PIKFYVE: variants seen among roughly 807,000 people sequenced by gnomAD.
PIKFYVE encodes the protein phosphoinositide kinase, FYVE-type zinc finger containing.
PIKFYVE carries 122 observed loss-of-function variants against 257.9 expected under a neutral mutation model. The observed-to-expected ratio is 0.47, with a 90% CI of 0.41 to 0.55. PIKFYVE has a LOEUF of 0.55. Ranked by LOEUF, PIKFYVE falls within the 20% of genes least tolerant of loss-of-function variation. PIKFYVE has a pLI of 0.00. For missense variants in PIKFYVE, 2,160 were observed against 2,536.6 expected (o/e 0.85, Z 3.19); for synonymous variants, 892 against 868.9 (o/e 1.03, Z -0.47).
chr2:208,312,198 CT>C (rs777079480), intron 12 of PIKFYVE, 37 bp from the exon 13 acceptor site: 10 of 1,461,698 alleles, frequency 6.8e-6, no homozygotes, highest in African/African-American at 1.4e-5. Context: ...TATGTCTCTA[CT>C]TTTGTTCCTC....
rs1164512549 is a variant in PIKFYVE, at chr2:208,336,105, C to T, written c.4425C>T (p.Ser1475=). The part of the protein sequence containing the change: ...IEKMQARLMS[S]SVDTPQQLQS... ...AGATGCAAGCAAGGCTCATGTCTTCCTCTGTAGATACCCCTCAGCAACTGC... is the reference window on the plus strand; with the variant it reads ...AGATGCAAGCAAGGCTCATGTCTTCTTCTGTAGATACCCCTCAGCAACTGC... Residue 1475 remains serine (S), a synonymous_variant, in exon 27 of 42, where the codon TCC becomes TCT. Coordinates refer to ENST00000264380, the MANE Select transcript of PIKFYVE (RefSeq NM_015040.4). 3 of 1,614,050 alleles carry T rather than the reference C, an allele frequency of 1.9e-6. No homozygotes were observed. The highest frequency in any genetic ancestry group is 2.2e-5 in the South Asian group (2 of 91,080).
intron 27 of PIKFYVE, 63 bp downstream of exon 27, chr2:208,336,263 T>G: frequency 6.3e-7 from 1 of 1,590,054 alleles, no homozygotes; most frequent in Non-Finnish European, 8.6e-7. Context: ...TGTGATATCT[T>G]AAAACTTAAA....
At chr2:208,280,775 C>T (rs1307896874) in intron 5 of PIKFYVE, among the ~76,000 whole-genome samples, 1 of 152,150 alleles carries the variant, frequency 6.6e-6, no homozygotes, top group Non-Finnish European at 1.5e-5. Context: ...GGAGTTGTTT[C>T]CCTTATACAA....
chr2:208,312,134 A>G (rs1694997982), intron 12 of PIKFYVE, 102 bp from the exon 13 acceptor site: 1 of 880,426 alleles, frequency 1.1e-6, no homozygotes, highest in East Asian at 2.5e-5. Flanking sequence ...AGTATGAGTA[A>G]TATTTTGTGT....
Position 208,349,898 on chromosome 2 carries a change from CTT to C in PIKFYVE, c.5375-125_5375-124del, listed in dbSNP as rs1286173485. On this transcript the variant is annotated intron_variant, in intron 35 of 41. Coordinates refer to ENST00000264380, the MANE Select transcript of PIKFYVE (RefSeq NM_015040.4). ...ATATCTTATGCTTGCTTGATAGTGA[CTT>C]GAGTAGGATATTTTTACTTTTAATT... 1.1e-5 allele frequency: 15 copies of C among 1,381,040 alleles called. 1 individual carries two copies. Among genetic ancestry groups the C allele is most frequent in the Non-Finnish European group, 1.4e-5 (14 of 1,019,008 alleles). 85.5% of individuals were successfully genotyped at this position (1,381,040 alleles called of 1,614,324 possible).
intron 40 of PIKFYVE, 38 bp from the exon 41 acceptor site, chr2:208,354,533 A>G: frequency 2.0e-6 from 3 of 1,496,760 alleles, no homozygotes; most frequent in Non-Finnish European, 2.8e-6. Flanking sequence ...ATTTATTAAC[A>G]TAGCTTTATT....
At chr2:208,277,175 T>C (rs562995216) in intron 4 of PIKFYVE, among the ~76,000 whole-genome samples, 172 of 152,312 alleles carry the variant, frequency 1.1e-3, no homozygotes, top group African/African-American at 4.0e-3. Flanking sequence ...TATAGTACCA[T>C]TGTTTTTGAA....
At chr2:208,276,570 T>G in intron 3 of PIKFYVE, 142 bp from the exon 4 acceptor site, 13 of 736,576 alleles carry the variant, frequency 1.8e-5, no homozygotes, top group East Asian at 2.6e-5. Context: ...AAAGACTTGT[T>G]TTAACTCTCA....
chr2:208,294,318 T>C (rs1221379250), intron 7 of PIKFYVE, among the ~76,000 whole-genome samples: 1 of 152,244 alleles, frequency 6.6e-6, no homozygotes, highest in Non-Finnish European at 1.5e-5. Context: ...TTGCCTGTTG[T>C]TTACTTTTCG....
intron 12 of PIKFYVE, chr2:208,305,246 G>A: frequency 2.1e-6 from 3 of 1,397,154 alleles, no homozygotes. Context: ...TGTAAAGCTT[G>A]TAGTCTTTAA....
intron 10 of PIKFYVE, 53 bp downstream of exon 10, chr2:208,302,406 C>T: frequency 7.0e-7 from 1 of 1,431,786 alleles, no homozygotes; most frequent in Admixed American, 1.7e-5. Context: ...ATTTTATAGT[C>T]TTTCTTCATC....
chr2:208,320,802 C>T (rs937278624), intron 17 of PIKFYVE, among the ~76,000 whole-genome samples: 1 of 152,228 alleles, frequency 6.6e-6, no homozygotes, highest in Non-Finnish European at 1.5e-5. Context: ...CCCAGAATAG[C>T]TGCATTAGGT....
Position 208,350,094 on chromosome 2 carries a change from GATATT to G in PIKFYVE, c.5434+16_5434+20del, listed in dbSNP as rs1407541620. 2 of 1,612,254 alleles carry G rather than the reference GATATT, an allele frequency of 1.2e-6. No individual in the cohort carries two copies. Among genetic ancestry groups the G allele is most frequent in the Non-Finnish European group, 1.7e-6 (2 of 1,178,976 alleles). On this transcript the variant is annotated intron_variant, in intron 36 of 41. Coordinates refer to ENST00000264380, the MANE Select transcript of PIKFYVE (RefSeq NM_015040.4). ...CTCATGTGGAACTTCGTAAGTATGA[GATATT>G]ATATCATTGGTTTGGGGAGAGGGAC...
rs768956937 is a variant in PIKFYVE, at chr2:208,338,582, T to G, written c.4672+14T>G. 1.2e-6 allele frequency: 2 copies of G among 1,608,128 alleles called. No homozygotes were observed. Among genetic ancestry groups the G allele is most frequent in the Non-Finnish European group, 1.7e-6 (2 of 1,174,746 alleles). On this transcript the variant is annotated intron_variant, in intron 29 of 41. Transcript: ENST00000264380. Reference sequence around the variant, plus strand: ...ATGGAGAAAAAGGTTGGTTCTTGAGTCTGGTGATCACTTGCCGTAGGATTT... The same window carrying G: ...ATGGAGAAAAAGGTTGGTTCTTGAGGCTGGTGATCACTTGCCGTAGGATTT...
intron 10 of PIKFYVE, among the ~76,000 whole-genome samples, chr2:208,302,813 C>G (rs1693857945): frequency 6.6e-6 from 1 of 152,116 alleles, no homozygotes; most frequent in African/African-American, 2.4e-5. Context: ...GGTACGGTGG[C>G]TCACGCTTGT....
At chr2:208,301,242 CCCT>C (rs1693641122) in intron 9 of PIKFYVE, 148 bp downstream of exon 9, 2 of 1,027,598 alleles carry the variant, frequency 1.9e-6, no homozygotes, top group African/African-American at 1.6e-5. Context: ...AATTACTTAA[CCCT>C]CCTCCAATCT....
chr2:208,285,734 C>T lies in PIKFYVE; in HGVS notation c.622C>T (p.Arg208Ter), dbSNP rs749074992. The part of the protein sequence containing the change: ...GKFMGYTGDL[R>*]ACTYCRKIAL... ...TTGTTTTTTTCTCCTAGGAGACCTC[C>T]GAGCTTGCACATATTGTAGAAAAAT... Residue 208 changes from arginine to a stop codon, truncating the protein, a stop_gained, in exon 6 of 42, where the codon CGA becomes TGA. Coordinates refer to ENST00000264380, the MANE Select transcript of PIKFYVE (RefSeq NM_015040.4). LOFTEE classifies it high-confidence loss of function. 2.5e-6 allele frequency: 4 copies of T among 1,613,534 alleles called. No homozygotes were observed. Among genetic ancestry groups the T allele is most frequent in the African/African-American group, 1.3e-5 (1 of 74,968 alleles).
chr2:208,295,886 A>T (rs1225541633), intron 7 of PIKFYVE, among the ~76,000 whole-genome samples: 1 of 152,176 alleles, frequency 6.6e-6, no homozygotes, highest in African/African-American at 2.4e-5. Flanking sequence ...ATGCAATGTT[A>T]TTATGTTTGC....
In PIKFYVE at chr2:208,325,941, G is replaced by T. The variant is rs751887955; in HGVS notation, c.3130G>T (p.Ala1044Ser). 1 of 1,614,054 alleles carries T rather than the reference G, an allele frequency of 6.2e-7. No individual in the cohort carries two copies. Among genetic ancestry groups the T allele is most frequent in the Non-Finnish European group, 8.5e-7 (1 of 1,179,954 alleles). ...SEDKRKTYSL[A>S]FKQELKDVIL... ...AGATAAACGAAAGACTTATTCTTTG[G>T]CCTTTAAGCAGGAATTAAAAGATGT... The change falls in exon 20 of 42, where the codon GCC becomes TCC. Residue 1044 changes from alanine to serine, a missense_variant. Transcript: ENST00000264380.
Sources: allele counts gnomAD v4.1 joint callset (sites outside exome capture counted in the v4.1 genomes callset), GRCh38; gene constraint gnomAD v4.1.1; transcripts MANE v1.5; gene names NCBI Gene and HGNC (gene_info 2026-07-23, HGNC 2026-07-21).